Variants in CEACAM5 observed in about 807,000 individuals in gnomAD.
CEACAM5 encodes cell adhesion molecule CEACAM5.
A neutral mutation model predicts 63.0 loss-of-function variants in CEACAM5; 52 were observed. That is an observed-to-expected ratio of 0.83 (90% CI 0.66 to 1.04). The LOEUF is 1.04. Among genes scored for constraint, CEACAM5 ranks in the 50% least tolerant of loss-of-function variants. The probability of loss-of-function intolerance (pLI) is 0.00; values close to 1 mark genes in which losing one functional copy is unlikely to be tolerated. For synonymous variants in CEACAM5, 357 were observed against 351.3 expected (o/e 1.02, Z -0.18); for missense variants, 790 against 864.8 (o/e 0.91, Z 1.08).
chr19:41,720,341 TC>T, intron 7 of CEACAM5, 133 bp downstream of exon 7: 2 of 1,200,306 alleles, frequency 1.7e-6, no homozygotes, highest in East Asian at 4.7e-5. Context: ...GGCCATAACT[TC>T]CTGTCCCAGG....
At chr19:41,720,747 G>A (rs953796475) in intron 7 of CEACAM5, among the ~76,000 whole-genome samples, 175 bp from the exon 8 acceptor site, 4 of 151,976 alleles carry the variant, frequency 2.6e-5, no homozygotes, top group Admixed American at 6.6e-5. Context: ...TGATCTGCCC[G>A]CCTCGGCCTC....
chr19:41,710,011 A>T lies in CEACAM5; in HGVS notation c.396A>T (p.Glu132Asp), dbSNP rs148884404. Residue 132 changes from glutamate (E) to aspartate (D), a missense_variant, in exon 2 of 10, where the codon GAA becomes GAT. Transcript: ENST00000221992. ...LHVIKSDLVN[E>D]EATGQFRVYP... ...TCATAAAGTCAGATCTTGTGAATGAAGAAGCAACTGGCCAGTTCCGGGTAT... is the reference window on the plus strand; with the variant it reads ...TCATAAAGTCAGATCTTGTGAATGATGAAGCAACTGGCCAGTTCCGGGTAT... The T allele has an allele frequency of 1.4e-5, 22 of 1,608,898 alleles. No individual in the cohort carries two copies. In the African/African-American group the frequency reaches 2.9e-4, roughly 22 times the overall value.
rs1285555727 is a variant in CEACAM5 at position 41,727,301 on chromosome 19, G to T, written c.2094G>T (p.Gly698=). The T allele has an allele frequency of 5.6e-6, 9 of 1,613,724 alleles. No homozygotes were observed. The highest frequency in any genetic ancestry group is 5.0e-5 in the Admixed American group (3 of 60,018). The change falls in exon 9 of 10, where the codon GGG becomes GGT. Residue 698 remains glycine (G), a synonymous_variant. Coordinates refer to ENST00000221992, the MANE Select transcript of CEACAM5 (RefSeq NM_004363.6). ...TVGIMIGVLV[G]VALI is the part of the protein sequence containing the mutation. ...GCATCATGATTGGAGTGCTGGTTGG[G>T]GTTGCTCTGATATAGCAGCCCTGGT... is the stretch of plus-strand genomic sequence containing the variant.
intron 9 of CEACAM5, among the ~76,000 whole-genome samples, chr19:41,728,921 G>A (rs1052726923): frequency 4.6e-5 from 7 of 151,998 alleles, no homozygotes; most frequent in African/African-American, 1.5e-4. Context: ...TGAATGGAAA[G>A]GCCACCTTAT....
chr19:41,716,776 T>C (rs2072533655), intron 4 of CEACAM5, among the ~76,000 whole-genome samples: 1 of 152,200 alleles, frequency 6.6e-6, no homozygotes, highest in East Asian at 1.9e-4. Context: ...CTTACCATCT[T>C]AACTTTTCTA....
At chr19:41,710,465 G>A (rs1206174840) in intron 2 of CEACAM5, among the ~76,000 whole-genome samples, 2 of 152,184 alleles carry the variant, frequency 1.3e-5, no homozygotes, top group Admixed American at 6.5e-5. Flanking sequence ...CTGTGTTGTG[G>A]CCTCCTGGGC....
rs45537140 is a variant in CEACAM5 at position 41,708,694 on chromosome 19, C to G, written c.-38C>G. The G allele has an allele frequency of 0.015, 24,399 of 1,591,178 alleles. 214 individuals carry two copies. The highest frequency in any genetic ancestry group is 0.025 in the South Asian group (2,266 of 89,232). On this transcript the variant is annotated 5_prime_UTR_variant, in exon 1 of 10. Transcript: ENST00000221992. Reference sequence around the variant, plus strand: ...ACAAAACGTTCCTGGAACTCAAGCTCTTCTCCACAGAGGAGGACAGAGCAG... The same window carrying G: ...ACAAAACGTTCCTGGAACTCAAGCTGTTCTCCACAGAGGAGGACAGAGCAG...
At chr19:41,715,491 G>A (rs1166818091) in intron 3 of CEACAM5, 159 bp from the exon 4 acceptor site, 2 of 1,150,158 alleles carry the variant, frequency 1.7e-6, no homozygotes, top group East Asian at 4.8e-5. Flanking sequence ...GGAGAAACAG[G>A]TGAATATCTC....
At position 41,714,964 on chromosome 19, in the gene CEACAM5, T is replaced by C. The variant is rs1555814615; in HGVS notation, c.425-7T>C. ...ACAGGGCAATCTTCTCTCTGTTATC[T>C]GCACAGCGGAGCTGCCCAAGCCCTC... On this transcript the variant is annotated splice_polypyrimidine_tract_variant and splice_region_variant and intron_variant, in intron 2 of 9. Transcript: ENST00000221992. 1.2e-6 allele frequency: 2 copies of C among 1,614,076 alleles called. No individual in the cohort carries two copies. The highest frequency in any genetic ancestry group is 1.7e-6 in the Non-Finnish European group (2 of 1,180,036).
In CEACAM5 at chr19:41,718,473, G is replaced by A. The variant is rs2072564762; in HGVS notation, c.1492+91G>A. 3.5e-6 allele frequency: 5 copies of A among 1,431,688 alleles called. No individual in the cohort carries two copies. In the South Asian group the frequency reaches 5.1e-5, roughly 15 times the overall value. The allele number at this position is 1,431,688 out of a possible 1,614,324, so 88.7% of individuals were successfully genotyped here. A position where few individuals can be genotyped will look rare whatever the true frequency, so the allele number is the denominator to read the frequency against. Reference sequence around the variant, plus strand: ...AGCCAGGAAGAAATTTTCTTTCCTAGTATGCATCCAATGGGCACAAGCAAT... The same window carrying A: ...AGCCAGGAAGAAATTTTCTTTCCTAATATGCATCCAATGGGCACAAGCAAT... On this transcript the variant is annotated intron_variant, in intron 6 of 9. Transcript: ENST00000221992.
intron 5 of CEACAM5, 101 bp from the exon 6 acceptor site, chr19:41,718,027 T>C: frequency 7.0e-7 from 1 of 1,428,558 alleles, no homozygotes; most frequent in Non-Finnish European, 9.6e-7. Flanking sequence ...GACTTCAGGA[T>C]TGTGACTTGG....
At chr19:41,709,065 A>G (rs944720345) in intron 1 of CEACAM5, among the ~76,000 whole-genome samples, 2 of 152,262 alleles carry the variant, frequency 1.3e-5, no homozygotes, top group Admixed American at 6.5e-5. Context: ...CACTTTAAAT[A>G]AAAACATAAC....
intron 4 of CEACAM5, among the ~76,000 whole-genome samples, chr19:41,717,211 C>G (rs1555815187): frequency 6.6e-6 from 1 of 152,246 alleles, no homozygotes; most frequent in Non-Finnish European, 1.5e-5. Context: ...CTGTCCACAA[C>G]CCAATGCTAC....
In CEACAM5 at chr19:41,714,835, G is replaced by A. The variant is rs138707706; in HGVS notation, c.425-136G>A. 5.3e-3 allele frequency: 7,749 copies of A among 1,470,606 alleles called. 26 individuals are homozygous for A. The highest frequency in any genetic ancestry group is 6.4e-3 in the Non-Finnish European group (6,989 of 1,087,762). The allele number at this position is 1,470,606 out of a possible 1,614,324, so 91.1% of individuals were successfully genotyped here. On this transcript the variant is annotated intron_variant, in intron 2 of 9. Transcript: ENST00000221992. ...TCTCAGATCATCGTGCATCTGTCTT[G>A]TGACACATGCACCCACCGTGGGTTT...
intron 9 of CEACAM5, 43 bp downstream of exon 9, chr19:41,727,395 CT>C (rs2072715658): frequency 1.0e-6 from 1 of 967,638 alleles, no homozygotes; most frequent in South Asian, 1.4e-5. Flanking sequence ...TCCTGCAGTG[CT>C]GACTGCCATG....
At chr19:41,728,600 C>T (rs540527778) in intron 9 of CEACAM5, among the ~76,000 whole-genome samples, 40 of 152,214 alleles carry the variant, frequency 2.6e-4, no homozygotes, top group African/African-American at 8.7e-4. Flanking sequence ...GCCTGACCAA[C>T]ATGGTGAAAC....
chr19:41,726,383 A>G (rs74738698), intron 8 of CEACAM5, among the ~76,000 whole-genome samples: 8 of 152,350 alleles, frequency 5.3e-5, no homozygotes, highest in Non-Finnish European at 1.2e-4. Context: ...CATAGCATTA[A>G]TCATCAGCCT....
intron 5 of CEACAM5, 139 bp downstream of exon 5, chr19:41,717,872 A>T (rs2122802672): frequency 1.7e-6 from 2 of 1,173,098 alleles, no homozygotes; most frequent in East Asian, 4.7e-5. Context: ...ACCCCCAGCA[A>T]ATCCATGCAG....
chr19:41,709,561 C>T, intron 1 of CEACAM5, 119 bp from the exon 2 acceptor site: 1 of 1,471,566 alleles, frequency 6.8e-7, no homozygotes, highest in South Asian at 1.3e-5. Flanking sequence ...CACACACACA[C>T]ACACACTCAC....
Sources: allele counts gnomAD v4.1 joint callset (sites outside exome capture counted in the v4.1 genomes callset), GRCh38; gene constraint gnomAD v4.1.1; transcripts MANE v1.5; gene names NCBI Gene and HGNC (gene_info 2026-07-23, HGNC 2026-07-21).